GGA1: variants seen among roughly 807,000 people sequenced by gnomAD.
The protein encoded by GGA1 is golgi associated, gamma adaptin ear containing, ARF binding protein 1, also known as ADP-ribosylation factor-binding protein GGA1.
In GGA1, 18 loss-of-function variants were observed where a neutral mutation model predicts 76.9. The ratio of observed to expected loss-of-function variants is 0.23; its 90% confidence interval spans 0.16 to 0.35. The LOEUF (loss-of-function observed/expected upper bound fraction) is 0.35. Ranked by LOEUF, GGA1 falls within the 10% of genes least tolerant of loss-of-function variation. The pLI is 1.00. For missense variants in GGA1, 755 were observed against 859.0 expected (o/e 0.88, Z 1.51); for synonymous variants, 342 against 354.7 (o/e 0.96, Z 0.40).
At chr22:37,620,213 A>C in intron 4 of GGA1, 25 bp from the exon 5 acceptor site, 3 of 1,613,072 alleles carry the variant, frequency 1.9e-6, no homozygotes, top group Non-Finnish European at 2.5e-6. Flanking sequence ...GCAGTATCAA[A>C]GGCCTCCCCA....
intron 3 of GGA1, 179 bp from the exon 4 acceptor site, chr22:37,618,269 C>CA: frequency 1.7e-6 from 1 of 585,072 alleles, no homozygotes; most frequent in East Asian, 2.8e-5. Flanking sequence ...CCCTATCTCC[C>CA]ATGGGAGTGA....
At chr22:37,617,735 C>T in intron 3 of GGA1, 6 of 839,722 alleles carry the variant, frequency 7.1e-6, no homozygotes, top group Non-Finnish European at 8.6e-6. Context: ...TTTGTTTTAA[C>T]ATTTTTTTCT....
rs1425385216 is a variant in GGA1 at position 37,629,989 on chromosome 22, T to TC, written c.1159-5dup. On this transcript the variant is annotated splice_polypyrimidine_tract_variant and intron_variant, in intron 12 of 16. Coordinates refer to ENST00000343632, the MANE Select transcript of GGA1 (RefSeq NM_013365.5). The stretch of plus-strand genomic sequence containing the variant: ...CAGCCCCACCCCACCTGCATCCTTT[T>TC]CCCCACAGTCGTCGGATGCCACTGA... The TC allele has an allele frequency of 6.5e-7, 1 of 1,540,532 alleles. No individual in the cohort carries two copies. Among genetic ancestry groups the TC allele is most frequent in the Non-Finnish European group, 8.8e-7 (1 of 1,140,544 alleles).
intron 11 of GGA1, chr22:37,627,164 A>T (rs1930998483): frequency 6.6e-6 from 1 of 152,240 alleles, no homozygotes; most frequent in Non-Finnish European, 1.5e-5. Flanking sequence ...CCGTCTCACA[A>T]AAAAAAGAAA....
chr22:37,609,181 CG>C (rs1266928044), intron 1 of GGA1: 7 of 1,411,844 alleles, frequency 5.0e-6, no homozygotes, highest in Admixed American at 2.6e-5. Context: ...ACCCCCGGGA[CG>C]GAGAGAGCAG....
intron 11 of GGA1, chr22:37,627,144 G>A (rs1307275222): frequency 6.6e-6 from 1 of 152,238 alleles, no homozygotes; most frequent in East Asian, 1.9e-4. Context: ...CTGGTTGACA[G>A]AGCAAGGCTC....
intron 3 of GGA1, chr22:37,617,665 C>A: frequency 1.6e-6 from 1 of 606,698 alleles, no homozygotes; most frequent in Admixed American, 6.3e-5. Flanking sequence ...TGCCACTGTA[C>A]TCCAGACTGG....
intron 12 of GGA1, among the ~76,000 whole-genome samples, chr22:37,629,756 T>C (rs1490021210): frequency 1.3e-5 from 2 of 152,208 alleles, no homozygotes; most frequent in Non-Finnish European, 2.9e-5. Context: ...CCTTTGGGAT[T>C]GGGATTGAGA....
chr22:37,631,894 C>A, intron 14 of GGA1, 102 bp from the exon 15 acceptor site: 1 of 974,174 alleles, frequency 1.0e-6, no homozygotes, highest in Admixed American at 2.2e-5. Context: ...CTCTTGTTGC[C>A]AGTACAGCAG....
intron 3 of GGA1, 33 bp from the exon 4 acceptor site, chr22:37,618,413 CTG>C: frequency 7.5e-7 from 1 of 1,333,940 alleles, no homozygotes; most frequent in Non-Finnish European, 1.1e-6. Flanking sequence ...TCTGATGCAC[CTG>C]GGCGTCCCCT....
intron 1 of GGA1, chr22:37,610,227 T>C (rs2145861431): frequency 6.6e-6 from 1 of 152,370 alleles, no homozygotes; most frequent in Non-Finnish European, 1.5e-5. Flanking sequence ...ATACCTGGGT[T>C]TGGCTGGGCC....
chr22:37,629,413 T>C lies in GGA1; in HGVS notation c.1094-49T>C, dbSNP rs764397631. The C allele has an allele frequency of 1.6e-4, 217 of 1,359,964 alleles. 1 individual carries two copies. Among genetic ancestry groups the C allele is most frequent in the Non-Finnish European group, 2.2e-4 (212 of 966,958 alleles). 84.2% of individuals were successfully genotyped at this position (1,359,964 alleles called of 1,614,324 possible). A position where few individuals can be genotyped will look rare whatever the true frequency, so the allele number is the denominator to read the frequency against. The stretch of plus-strand genomic sequence containing the variant: ...CACATGGCCCCTCGGCTCTCTGGCC[T>C]CTGCAGGGTCAGCCCAGCTCCTTCA... On this transcript the variant is annotated intron_variant, in intron 11 of 16. Transcript: ENST00000343632.
At chr22:37,619,852 G>A (rs370390231) in intron 4 of GGA1, 55 of 774,696 alleles carry the variant, frequency 7.1e-5, no homozygotes, top group Middle Eastern at 4.5e-4. Context: ...GCTAGGAGAC[G>A]GAGAGTAGGC....
intron 12 of GGA1, 85 bp from the exon 13 acceptor site, chr22:37,629,910 AAGG>A (rs893328205): frequency 2.3e-5 from 21 of 920,554 alleles, no homozygotes; most frequent in Middle Eastern, 2.2e-4. Flanking sequence ...TGTCATTTGC[AAGG>A]AGGACACTGA....
intron 1 of GGA1, 44 bp downstream of exon 1, chr22:37,608,947 G>T: frequency 1.5e-6 from 2 of 1,323,850 alleles, no homozygotes; most frequent in Non-Finnish European, 1.9e-6. Flanking sequence ...AACCGGAACC[G>T]GGGGCACGAG....
In GGA1 at chr22:37,623,303, G is replaced by A. The variant is rs562439894; in HGVS notation, c.610-24G>A. ...CTCGTCCAGGCCAAAGGTTCTCAGG[G>A]GCCCTTGGCCAATGTGTCCCCAGGA... On this transcript the variant is annotated intron_variant, in intron 7 of 16. Transcript: ENST00000343632. The surrounding 1 kb of genome is among the most constrained non-coding windows in gnomAD (Gnocchi z 4.6). The A allele has an allele frequency of 6.8e-6, 11 of 1,612,100 alleles. No individual in the cohort carries two copies. In the African/African-American group the frequency reaches 1.5e-4, roughly 21 times the overall value.
chr22:37,629,947 G>A (rs1568992684), intron 12 of GGA1, 51 bp from the exon 13 acceptor site: 2 of 1,273,860 alleles, frequency 1.6e-6, no homozygotes, highest in South Asian at 2.9e-5. Context: ...ATCAGGTGAT[G>A]CTGACACCTC....
chr22:37,618,236 G>A, intron 3 of GGA1: 2 of 525,992 alleles, frequency 3.8e-6, no homozygotes, highest in East Asian at 2.9e-5. Flanking sequence ...GGCATTGCTG[G>A]GCACTGTATG....
At position 37,619,229 on chromosome 22, in the gene GGA1, C is replaced by T. The variant is rs537410044; in HGVS notation, c.303+683C>T. 2.5e-4 allele frequency among the ~76,000 whole-genome samples: 38 copies of T among 152,150 alleles called. No homozygotes were observed. In the South Asian group the frequency reaches 6.0e-3, roughly 24 times the overall value. On this transcript the variant is annotated intron_variant, in intron 4 of 16. Transcript: ENST00000343632. ...TGCAGGTGCACGCCACCATGCCCGG[C>T]TAATTTTTTGTATTTTTAGTAGAGA...
Sources: allele counts gnomAD v4.1 joint callset (sites outside exome capture counted in the v4.1 genomes callset), GRCh38; gene constraint gnomAD v4.1.1; non-coding constraint Gnocchi (gnomAD v3.1); transcripts MANE v1.5; gene names NCBI Gene and HGNC (gene_info 2026-07-23, HGNC 2026-07-21).